DNM3: variants seen among roughly 807,000 people sequenced by gnomAD.
DNM3 encodes dynamin-3.
A neutral mutation model predicts 101.6 loss-of-function variants in DNM3; 47 were observed. That is an observed-to-expected ratio of 0.46 (90% CI 0.37 to 0.59). The LOEUF is 0.59. DNM3 is among the 20% of genes least tolerant of loss of function. DNM3 has a pLI of 0.00. For missense variants in DNM3, 849 were observed against 1,085.7 expected (o/e 0.78, Z 3.06); for synonymous variants, 385 against 387.9 (o/e 0.99, Z 0.09).
At chr1:172,103,728 C>T (rs932233299) in intron 13 of DNM3, among the ~76,000 whole-genome samples, 2 of 152,122 alleles carry the variant, frequency 1.3e-5, no homozygotes, top group Non-Finnish European at 2.9e-5. Flanking sequence ...AGAGGCCAGG[C>T]GCGGCGGCTC....
chr1:172,184,833 T>G (rs1427783911), intron 14 of DNM3, among the ~76,000 whole-genome samples: 1 of 152,094 alleles, frequency 6.6e-6, no homozygotes, highest in African/African-American at 2.4e-5. Flanking sequence ...TGTCACCCTC[T>G]TAAGGGAATG....
chr1:172,165,153 T>C (rs1387250097), intron 14 of DNM3, among the ~76,000 whole-genome samples: 1 of 152,106 alleles, frequency 6.6e-6, no homozygotes, highest in African/African-American at 2.4e-5. Context: ...GTCTTTAACC[T>C]GATTCCTTTT....
rs1244207358 is a variant in DNM3 at position 172,265,944 on chromosome 1, T to C, written c.1769+12262T>C. ...TCTACTTTGTAGCTTCAATTCAGGA[T>C]ATGGTTTATCAATATTACCAAGTGT... is the stretch of plus-strand genomic sequence containing the variant. On this transcript the variant is annotated intron_variant, in intron 15 of 20. Transcript: ENST00000627582. Among the ~76,000 whole-genome samples the C allele has an allele frequency of 2.6e-5, 4 of 152,202 alleles. No individual in the cohort carries two copies. The East Asian group carries it at 7.7e-4, about 29-fold the overall frequency.
At chr1:171,905,374 T>C (rs1341762644) in intron 1 of DNM3, among the ~76,000 whole-genome samples, 1 of 152,186 alleles carries the variant, frequency 6.6e-6, no homozygotes, top group Non-Finnish European at 1.5e-5. Flanking sequence ...CTTGGCTTCT[T>C]AATTTGTGAT....
At chr1:172,093,827 A>AC in intron 13 of DNM3, 1 of 1,174,816 alleles carries the variant, frequency 8.5e-7, no homozygotes, top group East Asian at 2.5e-5. Context: ...CTTGCTACTA[A>AC]TTTTTTTTAA....
intron 14 of DNM3, among the ~76,000 whole-genome samples, chr1:172,163,022 G>T (rs977249781): frequency 6.6e-6 from 1 of 151,930 alleles, no homozygotes; most frequent in African/African-American, 2.4e-5. Context: ...TTTTCTTACA[G>T]CTTTACTGAA....
At chr1:172,284,679 A>G (rs2063628771) in intron 15 of DNM3, among the ~76,000 whole-genome samples, 1 of 152,234 alleles carries the variant, frequency 6.6e-6, no homozygotes. Flanking sequence ...TTTCTTCTAC[A>G]GAGACACTTG....
At chr1:172,054,543 T>G (rs1368510819) in intron 10 of DNM3, among the ~76,000 whole-genome samples, 1 of 152,164 alleles carries the variant, frequency 6.6e-6, no homozygotes, top group Non-Finnish European at 1.5e-5. Context: ...ACTGTGCCAT[T>G]TACTGGCCTC....
intron 12 of DNM3, among the ~76,000 whole-genome samples, chr1:172,090,982 TTG>T (rs1310036623): frequency 1.3e-5 from 2 of 151,964 alleles, no homozygotes; most frequent in Admixed American, 6.6e-5. Flanking sequence ...CCAAAATGAG[TTG>T]TGTTTCTTAT....
intron 13 of DNM3, among the ~76,000 whole-genome samples, chr1:172,103,741 G>A (rs2054816142): frequency 1.3e-5 from 2 of 152,126 alleles, no homozygotes; most frequent in South Asian, 2.1e-4. Context: ...GGCGGCTCAC[G>A]CCTGTAATCC....
intron 2 of DNM3, among the ~76,000 whole-genome samples, chr1:171,977,785 C>T (rs2044487832): frequency 6.6e-6 from 1 of 152,198 alleles, no homozygotes; most frequent in South Asian, 2.1e-4. Flanking sequence ...AAGGTTGCAT[C>T]TGCCCAAGGC....
At chr1:172,159,262 C>T (rs571708794) in intron 14 of DNM3, among the ~76,000 whole-genome samples, 53 of 152,154 alleles carry the variant, frequency 3.5e-4, no homozygotes, top group Non-Finnish European at 6.3e-4. Flanking sequence ...CTACTAGATT[C>T]ATCAGACTTT....
intron 14 of DNM3, among the ~76,000 whole-genome samples, chr1:172,195,677 G>T (rs1328697939): frequency 6.6e-6 from 1 of 151,898 alleles, no homozygotes; most frequent in Non-Finnish European, 1.5e-5. Context: ...CGATATGATA[G>T]TATGTTGTTT....
chr1:172,081,104 G>C (rs1267176702), intron 11 of DNM3, among the ~76,000 whole-genome samples: 3 of 149,678 alleles, frequency 2.0e-5, no homozygotes, highest in Non-Finnish European at 2.9e-5. Flanking sequence ...TTATTATTAA[G>C]AGATGGGGTC....
intron 20 of DNM3, among the ~76,000 whole-genome samples, chr1:172,390,964 T>C (rs1057498379): frequency 2.0e-5 from 3 of 152,162 alleles, no homozygotes; most frequent in Non-Finnish European, 4.4e-5. Flanking sequence ...GCCAGTACCC[T>C]TCAGAAAAAT....
chr1:172,299,484 C>A (rs1557954037), intron 15 of DNM3, among the ~76,000 whole-genome samples: 1 of 151,956 alleles, frequency 6.6e-6, no homozygotes, highest in East Asian at 1.9e-4. Context: ...ATCCCATTAC[C>A]CATGTGGTGA....
intron 4 of DNM3, among the ~76,000 whole-genome samples, chr1:172,001,415 AGTG>A (rs1462541105): frequency 6.6e-6 from 1 of 151,932 alleles, no homozygotes; most frequent in East Asian, 1.9e-4. Context: ...CAGAGGAGTT[AGTG>A]GTGGTGTTGA....
chr1:172,333,649 T>A (rs10911602), intron 17 of DNM3, among the ~76,000 whole-genome samples: 1 of 152,128 alleles, frequency 6.6e-6, no homozygotes, highest in Non-Finnish European at 1.5e-5. Flanking sequence ...AGGAATTTTT[T>A]AAATTATTGG....
intron 1 of DNM3, 93 bp from the exon 2 acceptor site, chr1:171,921,653 TGG>T: frequency 3.2e-6 from 3 of 949,994 alleles, no homozygotes; most frequent in Non-Finnish European, 5.0e-6. Context: ...ATTGAAAGGT[TGG>T]GAATTAGGAG....
Sources: gnomAD v4.1 joint callset for allele counts (sites outside exome capture counted in the v4.1 genomes callset) on GRCh38, gnomAD v4.1.1 for gene constraint, MANE v1.5 for transcripts, NCBI Gene and HGNC (gene_info 2026-07-23, HGNC 2026-07-21) for gene names.